The following MFN2 variants were observed in gnomAD, a reference collection of about 807,000 sequenced individuals.
The protein encoded by MFN2 is mitofusin-2.
MFN2 carries 43 observed loss-of-function variants against 87.5 expected under a neutral mutation model. The ratio of observed to expected loss-of-function variants is 0.49; its 90% CI spans 0.38 to 0.63. The LOEUF (loss-of-function observed/expected upper bound fraction) is 0.63, where lower values mean the gene tolerates loss of function less well. Among genes scored for constraint, MFN2 ranks in the 30% least tolerant of loss-of-function variants. The probability of loss-of-function intolerance (pLI) is 0.00; values close to 1 mark genes in which losing one functional copy is unlikely to be tolerated. For synonymous variants in MFN2, 337 were observed against 359.9 expected (o/e 0.94, Z 0.72); for missense variants, 743 against 972.8 (o/e 0.76, Z 3.14).
intron 18 of MFN2, 99 bp downstream of exon 18, chr1:12,009,825 A>ATTT: frequency 6.4e-7 from 1 of 1,560,058 alleles, no homozygotes; most frequent in Non-Finnish European, 8.8e-7. Flanking sequence ...GTGGACACAA[A>ATTT]TTTTTCTGGT....
intron 2 of MFN2, among the ~76,000 whole-genome samples, chr1:11,985,689 A>G (rs1269748984): frequency 6.6e-6 from 1 of 151,892 alleles, no homozygotes; most frequent in Non-Finnish European, 1.5e-5. Context: ...ACTGGTCTTG[A>G]ACTCCTGACC....
intron 2 of MFN2, among the ~76,000 whole-genome samples, chr1:11,986,087 G>T (rs999897309): frequency 1.3e-5 from 2 of 152,190 alleles, no homozygotes; most frequent in Non-Finnish European, 2.9e-5. Flanking sequence ...CATTGCACAA[G>T]AACTTGTTGG....
At chr1:11,982,192 G>T (rs957804362) in intron 2 of MFN2, 78 bp downstream of exon 2, 4 of 152,166 alleles carry the variant, frequency 2.6e-5, no homozygotes, top group African/African-American at 9.7e-5. Context: ...ACCTCTGGTG[G>T]CAAGTCTCTT....
At chr1:12,005,297 G>A (rs1309759409) in intron 14 of MFN2, among the ~76,000 whole-genome samples, 2 of 152,206 alleles carry the variant, frequency 1.3e-5, no homozygotes, top group Non-Finnish European at 2.9e-5. Flanking sequence ...TGGCCAGGCT[G>A]GTCTCTAACT....
rs1229090521 is a variant in MFN2 at position 12,004,916 on chromosome 1, A to G, written c.1484A>G (p.Gln495Arg). Residue 495 changes from glutamine to arginine, a missense_variant, in exon 14 of 19, where the codon CAG becomes CGG. By Grantham distance (43) the Gln-to-Arg change is conservative. Around this residue, in one of 3 missense-constraint regions of MFN2, gnomAD observed 571 missense variants for 670.7 expected, o/e 0.85. Transcript: ENST00000235329. This position sits in a 1 kb window ranked among gnomAD's most constrained non-coding sequence, Gnocchi z 4.2. Reference protein sequence around the residue: ...AITNSLQTMQQDMIDGLKPLL... With the variant: ...AITNSLQTMQRDMIDGLKPLL... ...ACCAACTCCCTGCAGACCATGCAGC[A>G]GGACATGATAGGTTAGTGCCCATGG... is the stretch of plus-strand genomic sequence containing the variant. 5 of 1,608,284 alleles carry G rather than the reference A, an allele frequency of 3.1e-6. No homozygotes were observed. The highest frequency in any genetic ancestry group is 4.2e-6 in the Non-Finnish European group (5 of 1,177,404).
At chr1:11,995,587 C>T (rs371682733) in intron 4 of MFN2, among the ~76,000 whole-genome samples, 4 of 152,056 alleles carry the variant, frequency 2.6e-5, no homozygotes, top group Admixed American at 6.5e-5. Flanking sequence ...GAGCTGAGAT[C>T]GTGCCACTGC....
rs542541208 is a variant in MFN2, at chr1:12,004,787, T to C, written c.1393-38T>C. 16 of 1,597,182 alleles carry C rather than the reference T, an allele frequency of 1.0e-5. No homozygotes were observed. The highest frequency in any genetic ancestry group is 6.7e-5 in the East Asian group (3 of 44,694). ...GGATGTGGCCTGAAGGGAATTTTGATGGACATGCTTCTCTTAACTTCCCTC... is the reference window on the plus strand; with the variant it reads ...GGATGTGGCCTGAAGGGAATTTTGACGGACATGCTTCTCTTAACTTCCCTC... On this transcript the variant is annotated intron_variant, in intron 13 of 18. Transcript: ENST00000235329. The surrounding 1 kb of genome is among the most constrained non-coding windows in gnomAD (Gnocchi z 4.2).
chr1:12,004,471 T>C lies in MFN2; in HGVS notation c.1288-38T>C. The C allele has an allele frequency of 6.3e-7, 1 of 1,583,168 alleles. No individual in the cohort carries two copies. The highest frequency in any genetic ancestry group is 2.2e-5 in the East Asian group (1 of 44,708). On this transcript the variant is annotated intron_variant, in intron 12 of 18. Coordinates refer to ENST00000235329, the MANE Select transcript of MFN2 (RefSeq NM_014874.4). The surrounding 1 kb of genome is among the most constrained non-coding windows in gnomAD (Gnocchi z 4.2). ...GGTGCTGCAGGAGTGAACTTTGGTC[T>C]TCCTTGATACTTAACAGTGTGCTTC... is the stretch of plus-strand genomic sequence containing the variant.
In MFN2 at chr1:12,011,553, G is replaced by A; in HGVS notation, c.2262G>A (p.Gln754=). 1 of 1,614,104 alleles carries A rather than the reference G, an allele frequency of 6.2e-7. No individual in the cohort carries two copies. Among genetic ancestry groups the A allele is most frequent in the Non-Finnish European group, 8.5e-7 (1 of 1,180,038 alleles). ...ACATGTTCACACACCAGTACCTGCA[G>A]CCCAGCAGATAGTGGGCACCTGAGG... ...ELNMFTHQYL[Q]PSR The change falls in exon 19 of 19, where the codon CAG becomes CAA. Residue 754 remains glutamine, a synonymous_variant. Transcript: ENST00000235329.
At chr1:12,010,173 G>T (rs559515814) in intron 18 of MFN2, among the ~76,000 whole-genome samples, 69 of 152,164 alleles carry the variant, frequency 4.5e-4, no homozygotes, top group South Asian at 3.7e-3. Flanking sequence ...AAAAAAAATG[G>T]ATGTGTACCA....
chr1:11,987,949 A>G (rs915921274), intron 2 of MFN2, among the ~76,000 whole-genome samples: 4 of 152,208 alleles, frequency 2.6e-5, no homozygotes, highest in Non-Finnish European at 1.5e-5. Flanking sequence ...ATCTTGTCTC[A>G]AAATAAAAAA....
chr1:11,991,230 G>C (rs1638660424), intron 3 of MFN2, among the ~76,000 whole-genome samples: 1 of 152,226 alleles, frequency 6.6e-6, no homozygotes, highest in Non-Finnish European at 1.5e-5. Context: ...CACCTGCTGG[G>C]TGCTGGGGTC....
At chr1:11,997,597 C>G (rs1638967867) in intron 6 of MFN2, among the ~76,000 whole-genome samples, 176 bp downstream of exon 6, 1 of 152,128 alleles carries the variant, frequency 6.6e-6, no homozygotes, top group South Asian at 2.1e-4. Flanking sequence ...AGTCTGGTTA[C>G]TATACCTATT....
Position 12,009,701 on chromosome 1 carries a change from C to G in MFN2, c.2179C>G (p.Leu727Val), listed in dbSNP as rs1639604481. Residue 727 changes from leucine to valine, a missense_variant, in exon 18 of 19, where the codon CTT becomes GTT. Transcript: ENST00000235329. The stretch of plus-strand genomic sequence containing the variant: ...CAAGAAAATTGAGGTTCTTGACTCA[C>G]TTCAGAGCAAAGCAAAGCTGCTCAG... ...MNKKIEVLDS[L>V]QSKAKLLRNK... The G allele has an allele frequency of 1.2e-6, 2 of 1,614,272 alleles. No individual in the cohort carries two copies. Among genetic ancestry groups the G allele is most frequent in the East Asian group, 4.5e-5 (2 of 44,894 alleles).
chr1:11,988,523 G>A (rs1011920717), intron 2 of MFN2, among the ~76,000 whole-genome samples: 3 of 151,388 alleles, frequency 2.0e-5, no homozygotes. Context: ...ATAGGTATGA[G>A]CCACTGAACC....
intron 4 of MFN2, among the ~76,000 whole-genome samples, chr1:11,995,490 G>A (rs987891610): frequency 9.3e-5 from 14 of 151,332 alleles, no homozygotes; most frequent in African/African-American, 1.7e-4. Flanking sequence ...AAAATTAGCC[G>A]GGCATGGTGG....
chr1:12,010,161 A>G (rs1371096600), intron 18 of MFN2, among the ~76,000 whole-genome samples: 1 of 149,930 alleles, frequency 6.7e-6, no homozygotes, highest in Non-Finnish European at 1.5e-5. Context: ...TCTCAAAAAG[A>G]AAAAAAAAAT....
Position 11,991,840 on chromosome 1 carries a change from C to T in MFN2, c.176-715C>T, listed in dbSNP as rs567247325. On this transcript the variant is annotated intron_variant, in intron 3 of 18. Transcript: ENST00000235329. Reference sequence around the variant, plus strand: ...TTGGGAGGCTGAGGCAGGAGAATGGCGTGAACCCGGGAGGCGGAGCTTGCA... The same window carrying T: ...TTGGGAGGCTGAGGCAGGAGAATGGTGTGAACCCGGGAGGCGGAGCTTGCA... Among the ~76,000 whole-genome samples the T allele has an allele frequency of 4.3e-5, 6 of 138,248 alleles. No individual in the cohort carries two copies. The South Asian group carries it at 7.1e-4, about 16-fold the overall frequency. 90.7% of individuals were successfully genotyped at this position (138,248 alleles called of 152,430 possible).
intron 17 of MFN2, among the ~76,000 whole-genome samples, chr1:12,008,506 G>A (rs1208766522): frequency 4.6e-5 from 7 of 151,810 alleles, no homozygotes; most frequent in Non-Finnish European, 7.4e-5. Context: ...GCTGCTAGGC[G>A]GAGACGCTTA....
Sources: gnomAD v4.1 joint callset for allele counts (sites outside exome capture counted in the v4.1 genomes callset) on GRCh38, gnomAD v4.1.1 for gene constraint, gnomAD v4.1.1 regional missense constraint, Gnocchi (gnomAD v3.1) non-coding constraint, MANE v1.5 for transcripts, NCBI Gene and HGNC (gene_info 2026-07-23, HGNC 2026-07-21) for gene names.